Variants in PHF20L1 observed in about 807,000 individuals in gnomAD.
The protein encoded by PHF20L1 is PHD finger protein 20 like 1.
PHF20L1 carries 44 observed loss-of-function variants against 125.5 expected under a neutral mutation model. The ratio of observed to expected loss-of-function variants is 0.35; its 90% CI spans 0.28 to 0.45. PHF20L1 has a LOEUF of 0.45. Among genes scored for constraint, PHF20L1 ranks in the 20% least tolerant of loss-of-function variants. The pLI is 1.00. For synonymous variants in PHF20L1, 380 were observed against 403.1 expected (o/e 0.94, Z 0.69); for missense variants, 1,012 against 1,217.2 (o/e 0.83, Z 2.51).
intron 15 of PHF20L1, among the ~76,000 whole-genome samples, chr8:132,834,291 G>A (rs1392001743): frequency 6.6e-6 from 1 of 152,072 alleles, no homozygotes; most frequent in Non-Finnish European, 1.5e-5. Context: ...GCAAGTATAT[G>A]TGAGATACAC....
chr8:132,781,541 G>C (rs930607761), intron 2 of PHF20L1, among the ~76,000 whole-genome samples: 8 of 152,082 alleles, frequency 5.3e-5, no homozygotes, highest in African/African-American at 1.9e-4. Flanking sequence ...TGATTCCCCT[G>C]CCTCAGCCTC....
At chr8:132,830,463 C>G (rs1371221792) in intron 14 of PHF20L1, among the ~76,000 whole-genome samples, 1 of 152,108 alleles carries the variant, frequency 6.6e-6, no homozygotes, top group Non-Finnish European at 1.5e-5. Flanking sequence ...CTGCCACCTT[C>G]AAATGGATAC....
chr8:132,833,469 AC>A (rs1396351231), intron 15 of PHF20L1, among the ~76,000 whole-genome samples: 1 of 152,054 alleles, frequency 6.6e-6, no homozygotes, highest in Non-Finnish European at 1.5e-5. Flanking sequence ...GTGGTTCTTC[AC>A]CCCCGGTGAA....
intron 18 of PHF20L1, 23 bp downstream of exon 18, chr8:132,839,605 A>C (rs1563853865): frequency 1.9e-6 from 3 of 1,566,914 alleles, no homozygotes; most frequent in Middle Eastern, 1.7e-4. Flanking sequence ...CAGCAAAGGG[A>C]GGGTCACACT....
At chr8:132,785,241 C>T (rs1004809013) in intron 2 of PHF20L1, among the ~76,000 whole-genome samples, 2 of 152,182 alleles carry the variant, frequency 1.3e-5, no homozygotes, top group Non-Finnish European at 2.9e-5. Flanking sequence ...TGAGATTTCA[C>T]ACTGTCACAT....
chr8:132,812,350 G>A (rs1403781346), intron 9 of PHF20L1: 14 of 983,812 alleles, frequency 1.4e-5, no homozygotes, highest in Admixed American at 6.2e-5. Flanking sequence ...GCACAATCCT[G>A]CTGAGGTGAA....
At chr8:132,788,611 T>TA (rs1275080876) in intron 2 of PHF20L1, among the ~76,000 whole-genome samples, 1 of 149,726 alleles carries the variant, frequency 6.7e-6, no homozygotes, top group East Asian at 1.9e-4. Context: ...TTTTTTTTTT[T>TA]ATCAATACAG....
At position 132,832,337 on chromosome 8, in the gene PHF20L1, C is replaced by T. The variant is rs375139491; in HGVS notation, c.1847C>T (p.Thr616Met). The T allele has an allele frequency of 2.4e-5, 39 of 1,611,526 alleles. No individual in the cohort carries two copies. Among genetic ancestry groups the T allele is most frequent in the African/African-American group, 8.0e-5 (6 of 74,758 alleles). The change falls in exon 15 of 21, where the codon ACG (threonine) becomes ATG (methionine). Residue 616 changes from threonine (T) to methionine (M), a missense_variant. Transcript: ENST00000395386. ...TCTCTGGCTTCACGAAGCATGTTTA[C>T]GGAGAAAACTACAACCTATCAGTAC... is the stretch of plus-strand genomic sequence containing the variant. ...GSSLASRSMF[T>M]EKTTTYQYPR...
chr8:132,788,390 C>T (rs1261187532), intron 2 of PHF20L1, among the ~76,000 whole-genome samples: 2 of 151,956 alleles, frequency 1.3e-5, no homozygotes, highest in Non-Finnish European at 2.9e-5. Flanking sequence ...AATTATGTTG[C>T]CATTTTGATT....
intron 8 of PHF20L1, chr8:132,809,101 C>A (rs1286738650): frequency 6.6e-6 from 1 of 151,706 alleles, no homozygotes; most frequent in African/African-American, 2.4e-5. Context: ...TACTAGGTAC[C>A]TTTTGCTTAA....
In PHF20L1 at chr8:132,775,418, CGGCGGCGAT is replaced by C. The variant is rs1348264351; in HGVS notation, c.-261_-253del. ...TGGCCGGCGGCGGAGGCGGCGGCGG[CGGCGGCGAT>C]GGCAGCGGACCCTGAGCGAGCTTGA... On this transcript the variant is annotated 5_prime_UTR_variant, in exon 1 of 21. It removes an upstream start codon present in the reference 5' UTR. Coordinates refer to ENST00000395386, the MANE Select transcript of PHF20L1 (RefSeq NM_016018.5). 1 of 384,192 alleles carries C rather than the reference CGGCGGCGAT, an allele frequency of 2.6e-6. No individual in the cohort carries two copies. The allele number at this position is 384,192 out of a possible 1,614,324, so 23.8% of individuals were successfully genotyped here.
At position 132,804,730 on chromosome 8, in the gene PHF20L1, C is replaced by G; in HGVS notation, c.837C>G (p.Asn279Lys). ...NSFQAKRARL[N>K]KITGLLASKA... is the part of the protein sequence containing the mutation. ...TTCAGGCAAAGAGAGCTCGACTTAA[C>G]AAGATTACTGGTAAACTACAATGAT... is the stretch of plus-strand genomic sequence containing the variant. The change falls in exon 8 of 21, where the codon AAC (asparagine) becomes AAG (lysine). Residue 279 changes from asparagine (N) to lysine (K), a missense_variant. By Grantham distance (94) the Asn-to-Lys change is moderately conservative. Around this residue, in one of 7 missense-constraint regions of PHF20L1, gnomAD observed 13 missense variants for 39.3 expected, o/e 0.33. Coordinates refer to ENST00000395386, the MANE Select transcript of PHF20L1 (RefSeq NM_016018.5). The G allele has an allele frequency of 6.3e-7, 1 of 1,599,454 alleles. No individual in the cohort carries two copies. Among genetic ancestry groups the G allele is most frequent in the Non-Finnish European group, 8.5e-7 (1 of 1,173,626 alleles).
At chr8:132,821,148 T>C (rs1835551119) in intron 12 of PHF20L1, among the ~76,000 whole-genome samples, 1 of 151,912 alleles carries the variant, frequency 6.6e-6, no homozygotes. Context: ...CATCAGGCTT[T>C]GCTTCAGTGT....
intron 12 of PHF20L1, 108 bp downstream of exon 12, chr8:132,817,653 A>T: frequency 1.4e-6 from 1 of 689,854 alleles, no homozygotes; most frequent in Non-Finnish European, 2.4e-6. Context: ...TTCCTATATA[A>T]TTCCTTTTCA....
chr8:132,783,618 G>A (rs964020236), intron 2 of PHF20L1, among the ~76,000 whole-genome samples: 1 of 152,054 alleles, frequency 6.6e-6, no homozygotes, highest in African/African-American at 2.4e-5. Flanking sequence ...GGAACACCAG[G>A]TGAATACTTC....
At chr8:132,843,669 A>G (rs942823825) in intron 19 of PHF20L1, 1 of 983,824 alleles carries the variant, frequency 1.0e-6, no homozygotes, top group African/African-American at 1.8e-5. Context: ...AACTTGTAAA[A>G]GGTTTTTGCC....
chr8:132,819,311 C>T (rs1014625458), intron 12 of PHF20L1, among the ~76,000 whole-genome samples: 1 of 151,836 alleles, frequency 6.6e-6, no homozygotes, highest in Non-Finnish European at 1.5e-5. Flanking sequence ...AGTACAGTAG[C>T]TGTCAACTTT....
chr8:132,804,723 G>A lies in PHF20L1; in HGVS notation c.830G>A (p.Arg277Gln). ...AACTCGTTTCAGGCAAAGAGAGCTCGACTTAACAAGATTACTGGTAAACTA... is the reference window on the plus strand; with the variant it reads ...AACTCGTTTCAGGCAAAGAGAGCTCAACTTAACAAGATTACTGGTAAACTA... ...QGNSFQAKRA[R>Q]LNKITGLLAS... Residue 277 changes from arginine (R) to glutamine (Q), a missense_variant, in exon 8 of 21, where the codon CGA becomes CAA. Coordinates refer to ENST00000395386, the MANE Select transcript of PHF20L1 (RefSeq NM_016018.5). 6.2e-7 allele frequency: 1 copy of A among 1,604,862 alleles called. No homozygotes were observed. Among genetic ancestry groups the A allele is most frequent in the Non-Finnish European group, 8.5e-7 (1 of 1,175,898 alleles).
At chr8:132,811,934 T>G (rs1188441063) in intron 9 of PHF20L1, 1 of 978,136 alleles carries the variant, frequency 1.0e-6, no homozygotes, top group Non-Finnish European at 1.2e-6. Flanking sequence ...TTGAGTATCT[T>G]TTGCTCTCCT....
Sources: allele counts gnomAD v4.1 joint callset (sites outside exome capture counted in the v4.1 genomes callset), GRCh38; gene constraint gnomAD v4.1.1; regional missense constraint gnomAD v4.1.1; transcripts MANE v1.5; gene names NCBI Gene and HGNC (gene_info 2026-07-23, HGNC 2026-07-21).